TMIGD3: variants seen among roughly 807,000 people sequenced by gnomAD.
TMIGD3 encodes the protein AD026 protein (AD026).
TMIGD3 carries 21 observed loss-of-function variants against 28.1 expected under a neutral mutation model. The observed-to-expected ratio is 0.75, with a 90% CI of 0.53 to 1.08. TMIGD3 has a LOEUF of 1.08. Among genes scored for constraint, TMIGD3 ranks in the 50% least tolerant of loss-of-function variants. The pLI, the probability that TMIGD3 is intolerant of heterozygous loss-of-function variation, is 0.00. For synonymous variants in TMIGD3, 151 were observed against 162.1 expected (o/e 0.93, Z 0.52); for missense variants, 416 against 435.6 (o/e 0.96, Z 0.40).
At position 111,483,577 on chromosome 1, in the gene TMIGD3, C is replaced by A; in HGVS notation, c.*110G>T. 6 of 919,522 alleles carry A rather than the reference C, an allele frequency of 6.5e-6. No homozygotes were observed. The South Asian group carries it at 7.1e-5, about 11-fold the overall frequency. 57.0% of individuals were successfully genotyped at this position (919,522 alleles called of 1,614,324 possible). Reference sequence around the variant, plus strand: ...ATGATTGTTGTCAAGGATAGAGGGTCCTTCAGAATTCCTGGGAGATCAGAA... The same window carrying A: ...ATGATTGTTGTCAAGGATAGAGGGTACTTCAGAATTCCTGGGAGATCAGAA... On this transcript the variant is annotated 3_prime_UTR_variant, in exon 6 of 6. Coordinates refer to ENST00000369716, the MANE Select transcript of TMIGD3 (RefSeq NM_020683.7).
At chr1:111,505,536 G>T (rs1048996774), upstream of TMIGD3, among the ~76,000 whole-genome samples, 3 of 152,206 alleles carry the variant, frequency 2.0e-5, no homozygotes, top group African/African-American at 7.2e-5. Context: ...TGAGAACAGA[G>T]GAGAAGGACT....
At chr1:111,487,917 T>G (rs1654462376) in intron 3 of TMIGD3, among the ~76,000 whole-genome samples, 1 of 151,026 alleles carries the variant, frequency 6.6e-6, no homozygotes, top group African/African-American at 2.4e-5. Flanking sequence ...TGATCCTCCC[T>G]TCTCAGCCTC....
upstream of TMIGD3, among the ~76,000 whole-genome samples, chr1:111,507,917 C>T (rs2786995): frequency 0.071 from 10,739 of 152,198 alleles, 590 homozygotes; most frequent in African/African-American, 0.15. Context: ...TCCATCAAGC[C>T]CCGGGGGTCA....
At chr1:111,488,638 G>A (rs199689406) in intron 3 of TMIGD3, 39 bp downstream of exon 3, 5 of 1,557,794 alleles carry the variant, frequency 3.2e-6, no homozygotes, top group East Asian at 2.2e-5. Flanking sequence ...ACCCATGGCT[G>A]TGGGTTACAT....
At chr1:111,532,695 C>A (rs1178637443) in intron 1 of TMIGD3, among the ~76,000 whole-genome samples, 1 of 152,176 alleles carries the variant, frequency 6.6e-6, no homozygotes, top group Non-Finnish European at 1.5e-5. Flanking sequence ...AAAGTGCCCC[C>A]TGTGAGCCCC....
intron 1 of TMIGD3, among the ~76,000 whole-genome samples, chr1:111,527,991 T>C (rs1326975791): frequency 3.3e-5 from 5 of 152,162 alleles, no homozygotes; most frequent in Admixed American, 6.5e-5. Context: ...TTTTGAAAAG[T>C]AGTTTTTTTG....
rs115513149 is a variant in TMIGD3, at chr1:111,563,178, G to A, written c.107+668C>T. Among the ~76,000 whole-genome samples, 439 of 152,278 alleles carry A rather than the reference G, an allele frequency of 2.9e-3. 4 individuals are homozygous for A. Among genetic ancestry groups the A allele is most frequent in the African/African-American group, 0.01 (421 of 41,558 alleles). ...TAGTTCCAGCTACTCAGGTGGCTGA[G>A]GCAGGAGGATCGATTTAGCCCAGGA... On this transcript the variant is annotated intron_variant, in intron 1 of 5. Coordinates refer to the TMIGD3 transcript ENST00000369717.
chr1:111,560,017 A>G (rs1316190442), intron 1 of TMIGD3, among the ~76,000 whole-genome samples: 1 of 152,212 alleles, frequency 6.6e-6, no homozygotes, highest in African/African-American at 2.4e-5. Context: ...TGAGTTAAAA[A>G]TTGCCGCTCA....
At chr1:111,547,082 A>G (rs551736597) in intron 1 of TMIGD3, among the ~76,000 whole-genome samples, 8 of 152,304 alleles carry the variant, frequency 5.3e-5, no homozygotes, top group African/African-American at 1.4e-4. Flanking sequence ...CATTGCTAAT[A>G]TATAGAAATA....
At chr1:111,500,191 A>G in intron 1 of TMIGD3, 4 of 1,614,208 alleles carry the variant, frequency 2.5e-6, no homozygotes, top group Non-Finnish European at 3.4e-6. Context: ...TGACAGAGCA[A>G]ACAAGAAAAG....
At chr1:111,487,829 G>A (rs1190163553) in intron 3 of TMIGD3, among the ~76,000 whole-genome samples, 1 of 151,938 alleles carries the variant, frequency 6.6e-6, no homozygotes, top group Non-Finnish European at 1.5e-5. Context: ...TTTGAGACAG[G>A]GTCTCATTCT....
At chr1:111,534,527 G>A (rs550781192) in intron 1 of TMIGD3, among the ~76,000 whole-genome samples, 2 of 152,206 alleles carry the variant, frequency 1.3e-5, no homozygotes, top group African/African-American at 4.8e-5. Context: ...TACGGTTGCT[G>A]TTTAATTGAT....
intron 3 of TMIGD3, among the ~76,000 whole-genome samples, chr1:111,487,705 C>T (rs1654450980): frequency 6.6e-6 from 1 of 152,186 alleles, no homozygotes; most frequent in African/African-American, 2.4e-5. Flanking sequence ...GTTCCAGTTC[C>T]ACCCACACCT....
At chr1:111,483,919 C>A (rs920937181) in intron 5 of TMIGD3, among the ~76,000 whole-genome samples, 162 bp from the exon 6 acceptor site, 1 of 152,132 alleles carries the variant, frequency 6.6e-6, no homozygotes, top group Non-Finnish European at 1.5e-5. Flanking sequence ...CTGCAAAGCC[C>A]ATCAGTAGGA....
chr1:111,556,416 T>A (rs927296125), intron 1 of TMIGD3, among the ~76,000 whole-genome samples: 6 of 152,122 alleles, frequency 3.9e-5, no homozygotes, highest in African/African-American at 1.4e-4. Context: ...CCCAGAAGAA[T>A]AGAAAGTGGG....
upstream of TMIGD3, chr1:111,503,838 T>C (rs980086595): frequency 2.8e-5 from 28 of 998,368 alleles, no homozygotes; most frequent in Non-Finnish European, 3.1e-5. Flanking sequence ...ATGAGTGGCA[T>C]AGAGAAGGCT....
intron 1 of TMIGD3, among the ~76,000 whole-genome samples, chr1:111,516,020 G>T (rs1483884240): frequency 6.6e-6 from 1 of 152,230 alleles, no homozygotes; most frequent in East Asian, 1.9e-4. Flanking sequence ...CATCTGAGGC[G>T]AGTCTCTAGG....
In TMIGD3 at chr1:111,559,634, A is replaced by G. The variant is rs181930455; in HGVS notation, c.107+4212T>C. Among the ~76,000 whole-genome samples the G allele has an allele frequency of 3.3e-3, 506 of 152,316 alleles. 1 individual carries two copies. Among genetic ancestry groups the G allele is most frequent in the Non-Finnish European group, 5.8e-3 (395 of 68,030 alleles). On this transcript the variant is annotated intron_variant, in intron 1 of 5. Coordinates refer to the TMIGD3 transcript ENST00000369717. ...CAATGACACAAACTATATTTTGGGA[A>G]AGTATAAGCATTATGCAAATATAAA...
chr1:111,531,172 G>A (rs1355326515), intron 1 of TMIGD3, among the ~76,000 whole-genome samples: 1 of 152,104 alleles, frequency 6.6e-6, no homozygotes, highest in Non-Finnish European at 1.5e-5. Flanking sequence ...CAGCTACTCT[G>A]GAGGCTGAGG....
Sources: gnomAD v4.1 joint callset for allele counts (sites outside exome capture counted in the v4.1 genomes callset) on GRCh38, gnomAD v4.1.1 for gene constraint, MANE v1.5 for transcripts, NCBI Gene and HGNC (gene_info 2026-07-23, HGNC 2026-07-21) for gene names.